The following ZNF343 variants were observed in gnomAD, a reference collection of about 807,000 sequenced individuals.
The protein encoded by ZNF343 is zinc finger protein 343.
Under a neutral mutation model 13.8 loss-of-function variants are expected in ZNF343, and 11 were observed. The ratio of observed to expected loss-of-function variants is 0.80; its 90% confidence interval spans 0.50 to 1.32. The LOEUF is 1.32. ZNF343 is among the 40% of genes most tolerant of loss of function. ZNF343 has a pLI of 0.00. For synonymous variants in ZNF343, 248 were observed against 260.0 expected, an observed-to-expected ratio of 0.95 and a Z score of 0.44; for missense variants, 658 against 714.2, an observed-to-expected ratio of 0.92 and a Z score of 0.90.
intron 1 of ZNF343, among the ~76,000 whole-genome samples, chr20:2,515,997 G>A (rs377326405): frequency 6.6e-6 from 1 of 152,126 alleles, no homozygotes; most frequent in African/African-American, 2.4e-5. Context: ...AGAAAGGGGT[G>A]AATGTGAGGG....
rs535947834 is a variant in ZNF343 at position 2,520,708 on chromosome 20, T to C, written c.-347+3747A>G. On this transcript the variant is annotated intron_variant, in intron 1 of 6. Transcript: ENST00000358413. ...ATTGGTCAGCTCTGGTCCCAGAAAC[T>C]TGGGCAGGCACCCCCTGTAAAGCAC... is the stretch of plus-strand genomic sequence containing the variant. 7.9e-5 allele frequency among the ~76,000 whole-genome samples: 12 copies of C among 152,316 alleles called. No individual in the cohort carries two copies. The South Asian group carries it at 2.1e-3, about 26-fold the overall frequency.
At chr20:2,511,933 AAAAG>A (rs1322966532), upstream of ZNF343, among the ~76,000 whole-genome samples, 1 of 152,238 alleles carries the variant, frequency 6.6e-6, no homozygotes, top group Non-Finnish European at 1.5e-5. Flanking sequence ...TTAGACAAGA[AAAAG>A]AAAAGCCATC....
chr20:2,489,257 C>G (rs2050469769), intron 5 of ZNF343, among the ~76,000 whole-genome samples: 1 of 152,144 alleles, frequency 6.6e-6, no homozygotes, highest in African/African-American at 2.4e-5. Flanking sequence ...AATGATAATG[C>G]AAGCTGGTAA....
intron 5 of ZNF343, among the ~76,000 whole-genome samples, chr20:2,485,577 T>C (rs916467269): frequency 2.6e-5 from 4 of 152,222 alleles, no homozygotes; most frequent in Non-Finnish European, 5.9e-5. Context: ...AAACCTTAAT[T>C]AGCATAACCA....
intron 5 of ZNF343, among the ~76,000 whole-genome samples, chr20:2,486,954 T>C (rs2085290809): frequency 6.6e-6 from 1 of 152,234 alleles, no homozygotes. Flanking sequence ...ATGGTCTCTA[T>C]CATGACTGCT....
In ZNF343 at chr20:2,483,509, C is replaced by A; in HGVS notation, c.1452G>T (p.Gln484His). The A allele has an allele frequency of 6.2e-7, 1 of 1,613,196 alleles. No individual in the cohort carries two copies. The highest frequency in any genetic ancestry group is 8.5e-7 in the Non-Finnish European group (1 of 1,179,816). The part of the protein sequence containing the change: ...FSRKSLLLVH[Q>H]RTHSGEKHYV... ...AATGCTTCTCCCCTGAGTGTGTCCTCTGGTGGACAAGGAGGAGTGATTTCC... is the reference window on the plus strand; with the variant it reads ...AATGCTTCTCCCCTGAGTGTGTCCTATGGTGGACAAGGAGGAGTGATTTCC... Residue 484 changes from glutamine to histidine, a missense_variant, in exon 6 of 6, where the codon CAG becomes CAT. Physicochemically the swap from Gln to His is conservative, Grantham distance 24 (BLOSUM62 0). Transcript: ENST00000278772.
chr20:2,490,547 T>C (rs2085351478), intron 5 of ZNF343, among the ~76,000 whole-genome samples: 1 of 151,208 alleles, frequency 6.6e-6, no homozygotes. Context: ...GTTTTTGTTT[T>C]TTTTTTTGAG....
At chr20:2,488,996 G>A (rs2085324452) in intron 5 of ZNF343, among the ~76,000 whole-genome samples, 1 of 152,146 alleles carries the variant, frequency 6.6e-6, no homozygotes, top group South Asian at 2.1e-4. Context: ...AGTGAGCTAT[G>A]ATCATGCCAC....
At chr20:2,516,587 G>A (rs991254990) in intron 1 of ZNF343, among the ~76,000 whole-genome samples, 20 of 152,208 alleles carry the variant, frequency 1.3e-4, no homozygotes, top group African/African-American at 4.3e-4. Flanking sequence ...GAGCAGGGTA[G>A]GGTCAGGACA....
At position 2,483,358 on chromosome 20, in the gene ZNF343, T is replaced by C. The variant is rs201389851; in HGVS notation, c.1603A>G (p.Thr535Ala). 4.3e-6 allele frequency: 7 copies of C among 1,610,696 alleles called. No homozygotes were observed. The highest frequency in any genetic ancestry group is 3.4e-5 in the Admixed American group (2 of 59,382). The change falls in exon 6 of 6, where the codon ACC becomes GCC. Residue 535 changes from threonine to alanine, a missense_variant. Thr to Ala is a moderately conservative substitution (Grantham distance 58). Coordinates refer to ENST00000278772, the MANE Select transcript of ZNF343 (RefSeq NM_024325.6). ...TGTGTCCTCTCATGTACAATGAGGGTTGACTTGTCACAAAAGCCTCGCCCA... is the reference window on the plus strand; with the variant it reads ...TGTGTCCTCTCATGTACAATGAGGGCTGACTTGTCACAAAAGCCTCGCCCA... ...ECGRGFCDKSTLIVHERTHSG... is the reference protein window; with the variant it reads ...ECGRGFCDKSALIVHERTHSG...
At chr20:2,501,711 T>C (rs544119073) in intron 1 of ZNF343, among the ~76,000 whole-genome samples, 1 of 152,178 alleles carries the variant, frequency 6.6e-6, no homozygotes, top group Admixed American at 6.5e-5. Flanking sequence ...GGGTTTGGAG[T>C]GGACCTCCAG....
At chr20:2,505,204 T>C (rs2085635439) in intron 1 of ZNF343, among the ~76,000 whole-genome samples, 1 of 152,166 alleles carries the variant, frequency 6.6e-6, no homozygotes, top group Non-Finnish European at 1.5e-5. Context: ...CCATTCACAA[T>C]TGCTTCAAAG....
intron 1 of ZNF343, among the ~76,000 whole-genome samples, chr20:2,517,460 A>G (rs566388248): frequency 6.6e-6 from 1 of 151,950 alleles, no homozygotes; most frequent in Admixed American, 6.6e-5. Context: ...GTTCCAGTCC[A>G]AAGGGGCAGC....
upstream of ZNF343, among the ~76,000 whole-genome samples, chr20:2,524,918 G>A (rs887849575): frequency 4.6e-5 from 7 of 152,196 alleles, no homozygotes; most frequent in Non-Finnish European, 8.8e-5. Flanking sequence ...GCGGGGCCCA[G>A]ACGCCAAGGT....
chr20:2,483,354 A>T lies in ZNF343; in HGVS notation c.1607T>A (p.Leu536His). Residue 536 changes from leucine to histidine, a missense_variant, in exon 6 of 6, where the codon CTC (leucine) becomes CAC (histidine). Leu to His is a moderately conservative substitution (Grantham distance 99). Coordinates refer to ENST00000278772, the MANE Select transcript of ZNF343 (RefSeq NM_024325.6). ...TGAGTGTGTCCTCTCATGTACAATG[A>T]GGGTTGACTTGTCACAAAAGCCTCG... ...CGRGFCDKST[L>H]IVHERTHSGE... 6.2e-7 allele frequency: 1 copy of T among 1,612,152 alleles called. No homozygotes were observed. The highest frequency in any genetic ancestry group is 8.5e-7 in the Non-Finnish European group (1 of 1,179,690).
At chr20:2,514,807 C>G (rs1223074635) in intron 1 of ZNF343, among the ~76,000 whole-genome samples, 1 of 151,882 alleles carries the variant, frequency 6.6e-6, no homozygotes, top group African/African-American at 2.4e-5. Flanking sequence ...TATGGCGAAA[C>G]CCCATCTCTA....
chr20:2,493,741 T>TCC (rs2085409514), intron 3 of ZNF343, 37 bp downstream of exon 3: 1 of 1,553,390 alleles, frequency 6.4e-7, no homozygotes, highest in Admixed American at 1.7e-5. Flanking sequence ...AGCCTTGGCT[T>TCC]CCTCTTCATC....
In ZNF343 at chr20:2,518,218, T is replaced by C. The variant is rs1247630679; in HGVS notation, c.-347+6237A>G. Among the ~76,000 whole-genome samples, 5 of 152,180 alleles carry C rather than the reference T, an allele frequency of 3.3e-5. No individual in the cohort carries two copies. Among genetic ancestry groups the C allele is most frequent in the African/African-American group, 1.2e-4 (5 of 41,444 alleles). On this transcript the variant is annotated intron_variant, in intron 1 of 6. Coordinates refer to the ZNF343 transcript ENST00000358413. This position sits in a 1 kb window ranked among gnomAD's most constrained non-coding sequence, Gnocchi z 4.6. ...TTTTAGTAGAGACGTAGTTTCGCCA[T>C]GTTGACCAGGCTTGTCTTGAACTCC...
chr20:2,487,272 A>G (rs2085296094), intron 5 of ZNF343, among the ~76,000 whole-genome samples: 1 of 152,206 alleles, frequency 6.6e-6, no homozygotes, highest in Non-Finnish European at 1.5e-5. Context: ...ACATGCTCCA[A>G]AAGTGCAAAA....
Sources: allele counts gnomAD v4.1 joint callset (sites outside exome capture counted in the v4.1 genomes callset), GRCh38; gene constraint gnomAD v4.1.1; non-coding constraint Gnocchi (gnomAD v3.1); transcripts MANE v1.5; gene names NCBI Gene and HGNC (gene_info 2026-07-23, HGNC 2026-07-21).